The following KLHL1 variants were observed in gnomAD, a reference collection of about 807,000 sequenced individuals.
KLHL1 encodes the protein kelch like family member 1.
Under a neutral mutation model 77.7 loss-of-function variants are expected in KLHL1, and 47 were observed. The observed-to-expected ratio is 0.60, with a 90% CI of 0.48 to 0.77. The LOEUF is 0.77. Among genes scored for constraint, KLHL1 ranks in the 30% least tolerant of loss-of-function variants. KLHL1 has a pLI of 0.00. For synonymous variants in KLHL1, 360 were observed against 325.2 expected (o/e 1.11, Z -1.15); for missense variants, 925 against 910.8 (o/e 1.02, Z -0.20).
chr13:70,048,863 A>G (rs1886563820), intron 1 of KLHL1, among the ~76,000 whole-genome samples: 1 of 152,096 alleles, frequency 6.6e-6, no homozygotes, highest in Admixed American at 6.6e-5. Flanking sequence ...CGGGTTGGGG[A>G]CCCCTGCTAT....
At chr13:69,903,427 G>T (rs1455990089) in intron 4 of KLHL1, among the ~76,000 whole-genome samples, 4 of 152,024 alleles carry the variant, frequency 2.6e-5, no homozygotes, top group Non-Finnish European at 5.9e-5. Flanking sequence ...CACTTAGCAA[G>T]TTTGCATTAT....
At chr13:69,875,828 T>C (rs572111576) in intron 5 of KLHL1, among the ~76,000 whole-genome samples, 14 of 152,244 alleles carry the variant, frequency 9.2e-5, no homozygotes, top group South Asian at 6.2e-4. Flanking sequence ...TTTTAAGATT[T>C]CTTTTGGAGA....
intron 2 of KLHL1, among the ~76,000 whole-genome samples, chr13:69,968,482 A>G (rs915589452): frequency 5.9e-5 from 9 of 151,316 alleles, no homozygotes; most frequent in Non-Finnish European, 1.0e-4. Flanking sequence ...CTGTACAGAA[A>G]GGGAGAAGAC....
At chr13:69,714,469 C>T (rs375817678) in intron 9 of KLHL1, among the ~76,000 whole-genome samples, 151 of 152,136 alleles carry the variant, frequency 9.9e-4, no homozygotes, top group South Asian at 8.5e-3. Context: ...AAATTGGATA[C>T]GCTTAACAGT....
chr13:69,740,526 G>T lies in KLHL1; in HGVS notation c.1670C>A (p.Ala557Asp), dbSNP rs868657745. The T allele has an allele frequency of 1.8e-5, 29 of 1,611,504 alleles. No homozygotes were observed. Among genetic ancestry groups the T allele is most frequent in the Non-Finnish European group, 2.4e-5 (28 of 1,178,238 alleles). ...GCTCCAGCCATCATGGCCTCCCACA[G>T]CATAAATAGGGCCTTCAAGTACTGT... ...GVTVLEGPIY[A>D]VGGHDGWSYL... is the part of the protein sequence containing the mutation. Residue 557 changes from alanine to aspartate, a missense_variant, in exon 8 of 11, where the codon GCT becomes GAT. Physicochemically the swap from Ala to Asp is moderately radical, Grantham distance 126 (BLOSUM62 -2). Transcript: ENST00000377844.
intron 1 of KLHL1, among the ~76,000 whole-genome samples, chr13:70,024,060 T>C (rs1298672781): frequency 6.6e-6 from 1 of 151,838 alleles, no homozygotes; most frequent in Non-Finnish European, 1.5e-5. Context: ...TATTAGGGTG[T>C]TTTAAAGATT....
chr13:69,823,610 T>A (rs1017768194), intron 6 of KLHL1, among the ~76,000 whole-genome samples: 1 of 152,126 alleles, frequency 6.6e-6, no homozygotes, highest in African/African-American at 2.4e-5. Context: ...CAGTGTTTTG[T>A]TTATGATACA....
At chr13:69,833,254 C>G (rs1412385898) in intron 6 of KLHL1, among the ~76,000 whole-genome samples, 1 of 151,838 alleles carries the variant, frequency 6.6e-6, no homozygotes, top group Non-Finnish European at 1.5e-5. Context: ...TCAAACATAT[C>G]AGCAAGAAAC....
intron 5 of KLHL1, among the ~76,000 whole-genome samples, chr13:69,855,753 T>G (rs1879886880): frequency 6.6e-6 from 1 of 150,970 alleles, no homozygotes; most frequent in South Asian, 2.1e-4. Context: ...TTAAACCTCT[T>G]TCCTTTATAA....
intron 4 of KLHL1, among the ~76,000 whole-genome samples, chr13:69,926,293 A>ATATTAAAT (rs1882810931): frequency 6.6e-6 from 1 of 152,208 alleles, no homozygotes; most frequent in African/African-American, 2.4e-5. Context: ...ATTATTATAT[A>ATATTAAAT]GCTTAAGTTA....
Position 69,981,945 on chromosome 13 carries a change from T to C in KLHL1, c.498-6143A>G, listed in dbSNP as rs188749310. Among the ~76,000 whole-genome samples, 421 of 152,072 alleles carry C rather than the reference T, an allele frequency of 2.8e-3. 2 individuals carry two copies. The highest frequency in any genetic ancestry group is 3.8e-3 in the Non-Finnish European group (258 of 67,980). ...AGGATACTATTAAAATAATAACTTT[T>C]TTTCAGAAATAGGCAATATAAATAT... On this transcript the variant is annotated intron_variant, in intron 1 of 10. Transcript: ENST00000377844.
chr13:70,059,687 A>G (rs1886830184), intron 1 of KLHL1, among the ~76,000 whole-genome samples: 1 of 152,202 alleles, frequency 6.6e-6, no homozygotes, highest in South Asian at 2.1e-4. Context: ...AGTAACCTGT[A>G]AAGAATAGAA....
chr13:70,081,532 T>A (rs771587341), intron 1 of KLHL1, among the ~76,000 whole-genome samples: 1 of 152,228 alleles, frequency 6.6e-6, no homozygotes, highest in Non-Finnish European at 1.5e-5. Context: ...CTGCTCTCGA[T>A]TCCTGGAGGT....
chr13:69,773,149 T>C (rs1465177322), intron 7 of KLHL1, among the ~76,000 whole-genome samples: 2 of 88,960 alleles, frequency 2.2e-5, no homozygotes, highest in Non-Finnish European at 5.2e-5. Flanking sequence ...ACATGCATAA[T>C]AGATATATAT....
At chr13:69,781,883 T>C (rs1876231435) in intron 7 of KLHL1, among the ~76,000 whole-genome samples, 1 of 150,218 alleles carries the variant, frequency 6.7e-6, no homozygotes, top group Non-Finnish European at 1.5e-5. Flanking sequence ...TTGCTTTTTA[T>C]CTCATCATCT....
chr13:69,777,776 T>G (rs1399490123), intron 7 of KLHL1, among the ~76,000 whole-genome samples: 1 of 152,142 alleles, frequency 6.6e-6, no homozygotes, highest in African/African-American at 2.4e-5. Context: ...TCATTGTATG[T>G]ATAACTAACT....
chr13:69,832,280 T>G (rs1341717469), intron 6 of KLHL1, among the ~76,000 whole-genome samples: 1 of 149,708 alleles, frequency 6.7e-6, no homozygotes, highest in East Asian at 1.9e-4. Context: ...TGTACACAAA[T>G]CAGTAGCACC....
intron 1 of KLHL1, among the ~76,000 whole-genome samples, chr13:70,098,072 G>A (rs540058048): frequency 2.6e-5 from 4 of 151,918 alleles, no homozygotes; most frequent in Non-Finnish European, 5.9e-5. Context: ...CTTGTCACAT[G>A]CTGCAAGCAT....
In KLHL1 at chr13:70,064,689, GA is replaced by G. The variant is rs1452982679; in HGVS notation, c.497+42513del. ...GTATCTGGTACAATACATATATTCT[GA>G]AAAAAATACAGAAATACAATAAATA... On this transcript the variant is annotated intron_variant, in intron 1 of 10. Transcript: ENST00000377844. Among the ~76,000 whole-genome samples, 7 of 152,102 alleles carry G rather than the reference GA, an allele frequency of 4.6e-5. No homozygotes were observed. In the East Asian group the frequency reaches 9.7e-4, roughly 21 times the overall value.
Sources: gnomAD v4.1 joint callset for allele counts (sites outside exome capture counted in the v4.1 genomes callset) on GRCh38, gnomAD v4.1.1 for gene constraint, MANE v1.5 for transcripts, NCBI Gene and HGNC (gene_info 2026-07-23, HGNC 2026-07-21) for gene names.